KCND3: variants seen among roughly 807,000 people sequenced by gnomAD.
KCND3 encodes the protein potassium voltage-gated channel subfamily D member 3.
A neutral mutation model predicts 51.1 loss-of-function variants in KCND3; 9 were observed. The ratio of observed to expected loss-of-function variants is 0.18; its 90% CI spans 0.11 to 0.31. KCND3 has a LOEUF of 0.31. KCND3 is among the 10% of genes least tolerant of loss of function. The pLI is 1.00. For synonymous variants in KCND3, 349 were observed against 368.0 expected (o/e 0.95, Z 0.59); for missense variants, 526 against 903.8 (o/e 0.58, Z 5.36).
At position 111,972,447 on chromosome 1, in the gene KCND3, C is replaced by T. The variant is rs370211063; in HGVS notation, c.1106+9174G>A. Among the ~76,000 whole-genome samples the T allele has an allele frequency of 3.3e-4, 50 of 152,324 alleles. 1 individual carries two copies. The East Asian group carries it at 9.1e-3, about 28-fold the overall frequency. On this transcript the variant is annotated intron_variant, in intron 2 of 7. Coordinates refer to ENST00000302127, the MANE Select transcript of KCND3 (RefSeq NM_001378969.1). ...TCGGCCTCCCAAAGTGCTGGGATTA[C>T]AGGCGTGAGCCCCCGCGCCCGGCCC...
At chr1:111,801,918 G>A (rs1324773058) in intron 2 of KCND3, among the ~76,000 whole-genome samples, 2 of 152,170 alleles carry the variant, frequency 1.3e-5, no homozygotes, top group African/African-American at 4.8e-5. Context: ...TCCTCTCCAC[G>A]GCGGCCTTTC....
chr1:111,823,687 G>A (rs779003047), intron 2 of KCND3, among the ~76,000 whole-genome samples: 29 of 152,112 alleles, frequency 1.9e-4, no homozygotes, highest in Admixed American at 4.6e-4. Flanking sequence ...CACTCATTTG[G>A]TCCTCATGGC....
intron 2 of KCND3, among the ~76,000 whole-genome samples, chr1:111,944,846 C>T (rs1026835404): frequency 6.6e-6 from 1 of 152,202 alleles, no homozygotes; most frequent in African/African-American, 2.4e-5. Flanking sequence ...TTACCGGAGG[C>T]CCAGGTTGAA....
At chr1:111,910,637 C>T (rs1451533648) in intron 2 of KCND3, 1 of 152,426 alleles carries the variant, frequency 6.6e-6, no homozygotes, top group African/African-American at 2.4e-5. Flanking sequence ...TTCACTTTCT[C>T]CGCACACCCT....
intron 2 of KCND3, among the ~76,000 whole-genome samples, chr1:111,842,305 C>T (rs1667359646): frequency 1.3e-5 from 2 of 152,212 alleles, no homozygotes; most frequent in South Asian, 4.1e-4. Flanking sequence ...CCATGCTGCC[C>T]AGATGCCTGC....
intron 2 of KCND3, among the ~76,000 whole-genome samples, chr1:111,831,469 C>T (rs141625239): frequency 1.1e-4 from 16 of 152,308 alleles, no homozygotes; most frequent in African/African-American, 2.9e-4. Flanking sequence ...CCTGGCTGTA[C>T]GTTTCCTGAG....
At chr1:111,828,008 G>A (rs908208507) in intron 2 of KCND3, among the ~76,000 whole-genome samples, 1 of 152,200 alleles carries the variant, frequency 6.6e-6, no homozygotes, top group Non-Finnish European at 1.5e-5. Flanking sequence ...AATGAAAACT[G>A]GTACTTGCTA....
At chr1:111,821,004 G>A (rs1236622094) in intron 2 of KCND3, among the ~76,000 whole-genome samples, 3 of 152,210 alleles carry the variant, frequency 2.0e-5, no homozygotes, top group African/African-American at 7.2e-5. Context: ...CCAGCCTCCA[G>A]AACTGTGAGA....
chr1:111,775,140 CTT>C lies in KCND3; in HGVS notation c.*935_*936del. ...AAACTCTCCCAATTTTTGCTTCACT[CTT>C]TCCTCCTCTGCAGTTGCATTCACAC... On this transcript the variant is annotated 3_prime_UTR_variant, in exon 8 of 8. Transcript: ENST00000302127. The C allele has an allele frequency of 6.6e-6, 1 of 152,392 alleles. No homozygotes were observed. The highest frequency in any genetic ancestry group is 1.9e-4 in the East Asian group (1 of 5,186). 9.4% of individuals were successfully genotyped at this position (152,392 alleles called of 1,614,324 possible).
intron 2 of KCND3, among the ~76,000 whole-genome samples, chr1:111,917,730 G>T (rs775196971): frequency 4.6e-5 from 7 of 152,274 alleles, no homozygotes; most frequent in South Asian, 4.2e-4. Context: ...TCCTAAGGAT[G>T]GGCGAACTGA....
intron 2 of KCND3, among the ~76,000 whole-genome samples, chr1:111,840,084 C>A (rs1451046620): frequency 6.6e-6 from 1 of 152,202 alleles, no homozygotes; most frequent in Non-Finnish European, 1.5e-5. Context: ...GTCCTTGCTG[C>A]ATCCTCACAT....
intron 2 of KCND3, among the ~76,000 whole-genome samples, chr1:111,858,981 T>C (rs1442595539): frequency 6.6e-6 from 1 of 152,252 alleles, no homozygotes; most frequent in Non-Finnish European, 1.5e-5. Context: ...TTTGGGACCT[T>C]CTGGGACCAG....
intron 2 of KCND3, among the ~76,000 whole-genome samples, chr1:111,934,850 T>C (rs528631542): frequency 6.6e-6 from 1 of 152,210 alleles, no homozygotes; most frequent in Non-Finnish European, 1.5e-5. Flanking sequence ...AAAATGGAGA[T>C]ACTAATAGTA....
intron 2 of KCND3, among the ~76,000 whole-genome samples, chr1:111,891,970 G>C (rs1669847439): frequency 8.3e-6 from 1 of 119,792 alleles, no homozygotes; most frequent in Admixed American, 9.8e-5. Flanking sequence ...GTGTGTGTCT[G>C]TGTGTGTGTC....
chr1:111,915,701 C>T (rs12410697), intron 2 of KCND3, among the ~76,000 whole-genome samples: 13,854 of 141,830 alleles, frequency 0.098, 900 homozygotes, highest in South Asian at 0.25. Flanking sequence ...TGCAGTGAGC[C>T]GAGATCACGC....
intron 5 of KCND3, among the ~76,000 whole-genome samples, chr1:111,779,142 C>T (rs1664260603): frequency 6.6e-6 from 1 of 152,132 alleles, no homozygotes; most frequent in African/African-American, 2.4e-5. Flanking sequence ...AACTGTCATC[C>T]ACAGGGTCCA....
At chr1:111,838,069 C>T (rs1667147764) in intron 2 of KCND3, among the ~76,000 whole-genome samples, 1 of 152,162 alleles carries the variant, frequency 6.6e-6, no homozygotes, top group African/African-American at 2.4e-5. Context: ...CCAGGCTTCT[C>T]CACTGTCAAG....
At chr1:111,896,599 C>T (rs1670126849) in intron 2 of KCND3, among the ~76,000 whole-genome samples, 1 of 152,198 alleles carries the variant, frequency 6.6e-6, no homozygotes, top group African/African-American at 2.4e-5. Flanking sequence ...CTACCTGTAT[C>T]TTCCTCATCT....
chr1:111,881,198 C>G (rs1390273121), intron 2 of KCND3, among the ~76,000 whole-genome samples: 2 of 152,218 alleles, frequency 1.3e-5, no homozygotes, highest in Non-Finnish European at 2.9e-5. Context: ...CCGTTCCTAC[C>G]CAGAGAGATG....
Sources: allele counts gnomAD v4.1 joint callset (sites outside exome capture counted in the v4.1 genomes callset), GRCh38; gene constraint gnomAD v4.1.1; transcripts MANE v1.5; gene names NCBI Gene and HGNC (gene_info 2026-07-23, HGNC 2026-07-21).